Variants in SH3TC2 observed in about 807,000 individuals in gnomAD.
SH3TC2 encodes the protein SH3 domain and tetratricopeptide repeats 2.
A neutral mutation model predicts 124.5 loss-of-function variants in SH3TC2; 87 were observed. The ratio of observed to expected loss-of-function variants is 0.70; its 90% CI spans 0.59 to 0.84. SH3TC2 has a LOEUF of 0.84. Among genes scored for constraint, SH3TC2 ranks in the 40% least tolerant of loss-of-function variants. The probability of loss-of-function intolerance (pLI) is 0.00; values close to 1 mark genes in which losing one functional copy is unlikely to be tolerated. For synonymous variants in SH3TC2, 634 were observed against 628.5 expected, an observed-to-expected ratio of 1.01 and a Z score of -0.13; for missense variants, 1,536 against 1,566.4, an observed-to-expected ratio of 0.98 and a Z score of 0.33.
intron 12 of SH3TC2, among the ~76,000 whole-genome samples, chr5:149,017,482 G>T (rs72835356): frequency 0.03 from 4,493 of 152,238 alleles, 91 homozygotes; most frequent in Middle Eastern, 0.054. Flanking sequence ...AAACCTGAAG[G>T]CTGGGACAAA....
intron 8 of SH3TC2, among the ~76,000 whole-genome samples, chr5:149,033,511 G>A (rs1206284935): frequency 2.0e-5 from 3 of 152,208 alleles, no homozygotes; most frequent in Non-Finnish European, 4.4e-5. Flanking sequence ...ATGGCCCAGA[G>A]CTCCTGGTGG....
chr5:149,025,210 G>A (rs570373256), intron 12 of SH3TC2, among the ~76,000 whole-genome samples: 32 of 152,128 alleles, frequency 2.1e-4, no homozygotes, highest in Non-Finnish European at 3.8e-4. Context: ...ATGCTGCATG[G>A]ATCCAAAGCT....
Position 148,994,312 on chromosome 5 carries a change from C to G in SH3TC2, c.*10399G>C, listed in dbSNP as rs190924267. Among the ~76,000 whole-genome samples, 3 of 152,260 alleles carry G rather than the reference C, an allele frequency of 2.0e-5. No homozygotes were observed. In the East Asian group the frequency reaches 5.8e-4, roughly 29 times the overall value. On this transcript the variant is annotated 3_prime_UTR_variant, in exon 17 of 17. Transcript: ENST00000515425. ...GTGTTATGTGAATAACTATACAATG[C>G]AATTACTTCTTGCAGGTAGGAGAAA...
At chr5:149,028,787 T>TGCCC in intron 9 of SH3TC2, 69 bp from the exon 10 acceptor site, 1 of 1,540,422 alleles carries the variant, frequency 6.5e-7, no homozygotes. Context: ...CCTCCAGGTG[T>TGCCC]ACCCCAGATC....
rs10054170 is a variant in SH3TC2, at chr5:149,040,501, C to T, written c.805+103G>A. 2.8e-4 allele frequency: 305 copies of T among 1,073,922 alleles called. 1 individual carries two copies. In the African/African-American group the frequency reaches 4.0e-3, roughly 14 times the overall value. 66.5% of individuals were successfully genotyped at this position (1,073,922 alleles called of 1,614,324 possible). On this transcript the variant is annotated intron_variant, in intron 7 of 16. Transcript: ENST00000515425. ...CCCTAAATCCAGTTCCTAGCAGAGA[C>T]GAGACAAAAATTCACATCAACTGAC...
chr5:149,028,559 A>G lies in SH3TC2; in HGVS notation c.1178-5T>C. ...TGAAACCTTCAGGCTGGGATGCTGT[A>G]AGGACAGGCAAAGTTGAGCAACCTT... is the stretch of plus-strand genomic sequence containing the variant. On this transcript the variant is annotated splice_region_variant and splice_polypyrimidine_tract_variant and intron_variant, in intron 10 of 16. Coordinates refer to ENST00000515425, the MANE Select transcript of SH3TC2 (RefSeq NM_024577.4). 6.2e-7 allele frequency: 1 copy of G among 1,614,108 alleles called. No individual in the cohort carries two copies. Among genetic ancestry groups the G allele is most frequent in the Non-Finnish European group, 8.5e-7 (1 of 1,180,000 alleles).
chr5:148,991,834 A>T lies in SH3TC2; in HGVS notation c.*12877T>A, dbSNP rs1753424030. Reference sequence around the variant, plus strand: ...TCAGAGAACTCTACAAATATGGCAGATCATCACATGGGACTTTATCCATGG... The same window carrying T: ...TCAGAGAACTCTACAAATATGGCAGTTCATCACATGGGACTTTATCCATGG... On this transcript the variant is annotated 3_prime_UTR_variant, in exon 17 of 17. Transcript: ENST00000515425. Among the ~76,000 whole-genome samples the T allele has an allele frequency of 6.6e-6, 1 of 152,188 alleles. No homozygotes were observed. Among genetic ancestry groups the T allele is most frequent in the Non-Finnish European group, 1.5e-5 (1 of 68,032 alleles).
At chr5:149,018,478 G>C (rs977120596) in intron 12 of SH3TC2, among the ~76,000 whole-genome samples, 1 of 152,160 alleles carries the variant, frequency 6.6e-6, no homozygotes. Context: ...AAGGTGAAAA[G>C]CACGTCTTAC....
rs930205 is a variant in SH3TC2 at position 148,985,671 on chromosome 5, T to C, written c.*19040A>G. ...TATGAATAAATCCACTCTAAACATTTGTGTATAGGCTTTTGTATACATAAG... is the reference window on the plus strand; with the variant it reads ...TATGAATAAATCCACTCTAAACATTCGTGTATAGGCTTTTGTATACATAAG... On this transcript the variant is annotated 3_prime_UTR_variant, in exon 17 of 17. Transcript: ENST00000515425. Among the ~76,000 whole-genome samples, 77,866 of 152,030 alleles carry C rather than the reference T, an allele frequency of 0.51. 20,487 individuals are homozygous for C. Among genetic ancestry groups the C allele is most frequent in the East Asian group, 0.63 (3,234 of 5,168 alleles).
In SH3TC2 at chr5:149,006,301, C is replaced by T. The variant is rs73795735; in HGVS notation, c.3675+580G>A. On this transcript the variant is annotated intron_variant, in intron 16 of 16. Coordinates refer to ENST00000515425, the MANE Select transcript of SH3TC2 (RefSeq NM_024577.4). ...GCAAAAAAAGAAGTTCTAGATTCAG[C>T]AAGCAAGAGAAGCAGGGATAAAACC... is the stretch of plus-strand genomic sequence containing the variant. 694 of 111,406 alleles carry T rather than the reference C, an allele frequency of 6.2e-3. 5 individuals are homozygous for T. Among genetic ancestry groups the T allele is most frequent in the African/African-American group, 0.02 (667 of 33,340 alleles). 6.9% of individuals were successfully genotyped at this position (111,406 alleles called of 1,614,324 possible).
intron 9 of SH3TC2, among the ~76,000 whole-genome samples, chr5:149,029,984 C>T (rs1439469845): frequency 1.3e-5 from 2 of 152,180 alleles, no homozygotes; most frequent in African/African-American, 2.4e-5. Flanking sequence ...TCCTGCTGTT[C>T]TCCAGGATGG....
At chr5:149,044,413 C>A in intron 4 of SH3TC2, 120 bp downstream of exon 4, 1 of 748,782 alleles carries the variant, frequency 1.3e-6, no homozygotes. Context: ...AGTTAACCAT[C>A]TTTTTTAAGG....
chr5:148,983,919 A>G lies in SH3TC2; in HGVS notation c.*20792T>C, dbSNP rs1753293305. On this transcript the variant is annotated 3_prime_UTR_variant, in exon 17 of 17. Coordinates refer to ENST00000515425, the MANE Select transcript of SH3TC2 (RefSeq NM_024577.4). ...CATCCAAGAGATGGTGACATCTTTG[A>G]GGTACTATCAACCTGCTCCTGGAAC... 6.6e-6 allele frequency among the ~76,000 whole-genome samples: 1 copy of G among 152,206 alleles called. No homozygotes were observed.
At chr5:149,014,727 G>A (rs1415510136) in intron 12 of SH3TC2, among the ~76,000 whole-genome samples, 1 of 152,180 alleles carries the variant, frequency 6.6e-6, no homozygotes, top group Non-Finnish European at 1.5e-5. Context: ...ATGCTGCAGT[G>A]ATCACCAACC....
In SH3TC2 at chr5:148,989,613, A is replaced by T. The variant is rs561106190; in HGVS notation, c.*15098T>A. ...GTTGACATTTTCAGACCACCTATGT[A>T]TATTGCTGCAGATGTTGGTACAATT... On this transcript the variant is annotated 3_prime_UTR_variant, in exon 17 of 17. Coordinates refer to ENST00000515425, the MANE Select transcript of SH3TC2 (RefSeq NM_024577.4). Among the ~76,000 whole-genome samples, 35 of 152,352 alleles carry T rather than the reference A, an allele frequency of 2.3e-4. No homozygotes were observed. Among genetic ancestry groups the T allele is most frequent in the African/African-American group, 7.9e-4 (33 of 41,588 alleles).
intron 1 of SH3TC2, among the ~76,000 whole-genome samples, chr5:149,060,966 G>A (rs1453323669): frequency 1.3e-5 from 2 of 152,156 alleles, no homozygotes; most frequent in African/African-American, 4.8e-5. Context: ...AGGATAAATA[G>A]GGGAATCTGG....
chr5:149,022,315 T>C, intron 12 of SH3TC2, among the ~76,000 whole-genome samples: 1 of 151,660 alleles, frequency 6.6e-6, no homozygotes. Flanking sequence ...ATTAAGAAAA[T>C]GTAAATCAAA....
intron 12 of SH3TC2, among the ~76,000 whole-genome samples, chr5:149,018,806 C>T (rs1435405366): frequency 6.6e-6 from 1 of 152,192 alleles, no homozygotes; most frequent in African/African-American, 2.4e-5. Flanking sequence ...CTATTCCCTC[C>T]ACCTAAAACC....
intron 9 of SH3TC2, among the ~76,000 whole-genome samples, chr5:149,029,332 T>C (rs1378536526): frequency 6.6e-6 from 1 of 152,196 alleles, no homozygotes; most frequent in African/African-American, 2.4e-5. Context: ...AGGATGCATC[T>C]GAGACTGAAG....
Sources: gnomAD v4.1 joint callset for allele counts (sites outside exome capture counted in the v4.1 genomes callset) on GRCh38, gnomAD v4.1.1 for gene constraint, MANE v1.5 for transcripts, NCBI Gene and HGNC (gene_info 2026-07-23, HGNC 2026-07-21) for gene names.